The following ERBB4 variants were observed in gnomAD, a reference collection of about 807,000 sequenced individuals.
ERBB4 encodes erb-b2 receptor tyrosine kinase 4.
A neutral mutation model predicts 158.0 loss-of-function variants in ERBB4; 42 were observed. The observed-to-expected ratio is 0.27, with a 90% CI of 0.21 to 0.34. The LOEUF is 0.34. ERBB4 is among the 10% of genes least tolerant of loss of function. The pLI is 1.00. For synonymous variants in ERBB4, 583 were observed against 558.7 expected (o/e 1.04, Z -0.61); for missense variants, 1,333 against 1,624.1 (o/e 0.82, Z 3.08).
intron 3 of ERBB4, among the ~76,000 whole-genome samples, chr2:211,912,322 G>C (rs910140316): frequency 9.9e-5 from 15 of 152,024 alleles, no homozygotes; most frequent in Non-Finnish European, 2.2e-4. Context: ...CAGCTTCATG[G>C]CTTTAATTTG....
intron 20 of ERBB4, among the ~76,000 whole-genome samples, chr2:211,495,722 A>AT (rs1446570016): frequency 6.6e-6 from 1 of 152,142 alleles, no homozygotes; most frequent in Non-Finnish European, 1.5e-5. Flanking sequence ...ATTTAAAATC[A>AT]TTTTCATTAA....
At chr2:212,361,082 G>T (rs2089669036) in intron 1 of ERBB4, among the ~76,000 whole-genome samples, 1 of 151,520 alleles carries the variant, frequency 6.6e-6, no homozygotes, top group Admixed American at 6.6e-5. Flanking sequence ...TTTTACAAAT[G>T]TGTAGTCTCA....
intron 1 of ERBB4, among the ~76,000 whole-genome samples, chr2:212,164,576 T>C (rs1189860308): frequency 6.6e-6 from 1 of 152,012 alleles, no homozygotes. Flanking sequence ...TGTGACTAAA[T>C]ATGACTCCAT....
intron 20 of ERBB4, among the ~76,000 whole-genome samples, chr2:211,486,247 C>G (rs899121505): frequency 7.2e-5 from 11 of 152,080 alleles, no homozygotes; most frequent in African/African-American, 2.7e-4. Context: ...TGCTTGCTCC[C>G]TTTTCGTTCC....
intron 1 of ERBB4, among the ~76,000 whole-genome samples, chr2:212,419,850 C>A (rs2091753792): frequency 6.6e-6 from 1 of 151,718 alleles, no homozygotes; most frequent in African/African-American, 2.4e-5. Context: ...TTCTTTAAAC[C>A]TTCTTGCATT....
intron 1 of ERBB4, among the ~76,000 whole-genome samples, chr2:212,435,250 C>G (rs1362731461): frequency 6.6e-6 from 1 of 151,938 alleles, no homozygotes; most frequent in African/African-American, 2.4e-5. Flanking sequence ...CCAGGAGAAA[C>G]CTTCTCCAGG....
intron 19 of ERBB4, among the ~76,000 whole-genome samples, chr2:211,596,602 C>T (rs538436575): frequency 2.6e-4 from 40 of 152,218 alleles, no homozygotes; most frequent in Middle Eastern, 3.4e-3. Flanking sequence ...CCCTGAGACC[C>T]CTGGGAGCCT....
intron 1 of ERBB4, among the ~76,000 whole-genome samples, chr2:212,185,324 C>G (rs377535199): frequency 6.0e-5 from 9 of 151,238 alleles, no homozygotes; most frequent in African/African-American, 1.9e-4. Context: ...ACCCAGCCAA[C>G]ACAGTTATTT....
At chr2:212,360,325 T>C (rs946009030) in intron 1 of ERBB4, among the ~76,000 whole-genome samples, 1 of 151,646 alleles carries the variant, frequency 6.6e-6, no homozygotes, top group Non-Finnish European at 1.5e-5. Flanking sequence ...GTTTTCAGCA[T>C]CAAATACTCC....
chr2:212,375,298 C>T (rs2090281567), intron 1 of ERBB4, among the ~76,000 whole-genome samples: 1 of 152,064 alleles, frequency 6.6e-6, no homozygotes, highest in African/African-American at 2.4e-5. Flanking sequence ...TACTATTAGG[C>T]TGTTTTGTTG....
intron 4 of ERBB4, among the ~76,000 whole-genome samples, chr2:211,778,121 G>A (rs2075934189): frequency 6.6e-6 from 1 of 152,150 alleles, no homozygotes; most frequent in South Asian, 2.1e-4. Flanking sequence ...AGAAGCCACG[G>A]CAGGATTGAA....
At chr2:212,272,724 T>A (rs1478025747) in intron 1 of ERBB4, among the ~76,000 whole-genome samples, 1 of 151,814 alleles carries the variant, frequency 6.6e-6, no homozygotes, top group Non-Finnish European at 1.5e-5. Flanking sequence ...ATCCATAAAA[T>A]TATGAGATCA....
At chr2:211,881,873 A>G (rs2078673054) in intron 3 of ERBB4, among the ~76,000 whole-genome samples, 1 of 152,150 alleles carries the variant, frequency 6.6e-6, no homozygotes, top group Admixed American at 6.6e-5. Context: ...AACCTTGGAT[A>G]TTATCCCAGA....
At chr2:212,523,294 C>T (rs1306921212) in intron 1 of ERBB4, among the ~76,000 whole-genome samples, 1 of 151,888 alleles carries the variant, frequency 6.6e-6, no homozygotes, top group African/African-American at 2.4e-5. Context: ...CAAATGCAGG[C>T]CCAGTTTTCT....
At chr2:212,261,680 T>C (rs997063606) in intron 1 of ERBB4, among the ~76,000 whole-genome samples, 1 of 152,126 alleles carries the variant, frequency 6.6e-6, no homozygotes, top group Non-Finnish European at 1.5e-5. Context: ...GATGCTTTAA[T>C]GACCTAGAGA....
intron 3 of ERBB4, among the ~76,000 whole-genome samples, chr2:211,900,558 C>T (rs931781834): frequency 6.6e-6 from 1 of 152,016 alleles, no homozygotes; most frequent in Admixed American, 6.6e-5. Context: ...TATTGAAAAG[C>T]GGGTCCTTCA....
intron 20 of ERBB4, among the ~76,000 whole-genome samples, chr2:211,522,689 C>A (rs1425741091): frequency 2.0e-5 from 3 of 152,114 alleles, no homozygotes; most frequent in African/African-American, 4.8e-5. Context: ...ACTTCACTGT[C>A]ATCCTATTTT....
intron 1 of ERBB4, among the ~76,000 whole-genome samples, chr2:212,446,789 A>G (rs1384190665): frequency 2.0e-5 from 3 of 149,996 alleles, no homozygotes; most frequent in African/African-American, 4.9e-5. Flanking sequence ...TAATTTTACC[A>G]ATGGATGAAA....
intron 1 of ERBB4, among the ~76,000 whole-genome samples, chr2:212,526,623 C>A (rs1692460954): frequency 6.6e-6 from 1 of 151,868 alleles, no homozygotes; most frequent in African/African-American, 2.4e-5. Context: ...ACTTGAAATA[C>A]TAATCTTTTT....
Sources: allele counts gnomAD v4.1 joint callset (sites outside exome capture counted in the v4.1 genomes callset), GRCh38; gene constraint gnomAD v4.1.1; transcripts MANE v1.5; gene names NCBI Gene and HGNC (gene_info 2026-07-23, HGNC 2026-07-21).